FSIP1: variants seen among roughly 807,000 people sequenced by gnomAD.
The protein encoded by FSIP1 is fibrous sheath interacting protein 1, also known as fibrous sheath-interacting protein 1.
FSIP1 carries 65 observed loss-of-function variants against 60.9 expected under a neutral mutation model. The observed-to-expected ratio is 1.07, with a 90% CI of 0.87 to 1.31. FSIP1 has a LOEUF of 1.31. FSIP1 is among the 40% of genes most tolerant of loss of function. The pLI is 0.00. For synonymous variants in FSIP1, 209 were observed against 221.2 expected (o/e 0.94, Z 0.49); for missense variants, 675 against 665.5 (o/e 1.01, Z -0.16).
intron 8 of FSIP1, among the ~76,000 whole-genome samples, chr15:39,729,112 A>C (rs1245037810): frequency 1.3e-5 from 2 of 152,236 alleles, no homozygotes; most frequent in Non-Finnish European, 2.9e-5. Context: ...GCAAAGCTGC[A>C]GAGAAAAACA....
At chr15:39,708,054 A>C (rs1430961916) in intron 10 of FSIP1, among the ~76,000 whole-genome samples, 2 of 152,192 alleles carry the variant, frequency 1.3e-5, no homozygotes, top group East Asian at 1.9e-4. Flanking sequence ...TATGGTGCCT[A>C]TTCTATGAAA....
At chr15:39,782,098 T>C (rs904411080) in intron 1 of FSIP1, among the ~76,000 whole-genome samples, 3 of 152,224 alleles carry the variant, frequency 2.0e-5, no homozygotes, top group Non-Finnish European at 2.9e-5. Flanking sequence ...CGCCAAATTG[T>C]ACTCCAAAAA....
intron 8 of FSIP1, among the ~76,000 whole-genome samples, chr15:39,737,134 G>C (rs989988973): frequency 4.6e-5 from 7 of 152,130 alleles, no homozygotes; most frequent in Non-Finnish European, 8.8e-5. Flanking sequence ...AAGGAACATA[G>C]GACAGTGTAT....
chr15:39,724,073 T>A (rs1419808794), intron 9 of FSIP1, among the ~76,000 whole-genome samples: 8 of 152,222 alleles, frequency 5.3e-5, no homozygotes, highest in Admixed American at 4.6e-4. Context: ...CAAAATGTTG[T>A]TTTCCCTTTT....
chr15:39,643,174 A>G (rs1423170027), intron 10 of FSIP1, among the ~76,000 whole-genome samples: 1 of 152,208 alleles, frequency 6.6e-6, no homozygotes, highest in African/African-American at 2.4e-5. Flanking sequence ...AAAAGTGGGA[A>G]AGATAAAAGG....
intron 8 of FSIP1, among the ~76,000 whole-genome samples, chr15:39,729,054 A>G (rs1472111916): frequency 1.3e-5 from 2 of 152,206 alleles, no homozygotes; most frequent in South Asian, 2.1e-4. Context: ...ACCATCTCAC[A>G]CCAGTCAGAA....
At chr15:39,735,744 A>G (rs532479580) in intron 8 of FSIP1, among the ~76,000 whole-genome samples, 305 of 152,274 alleles carry the variant, frequency 2.0e-3, no homozygotes, top group African/African-American at 6.9e-3. Context: ...CTTAGCTTAA[A>G]ACATAAACAC....
intron 10 of FSIP1, among the ~76,000 whole-genome samples, chr15:39,711,707 G>T (rs1895520107): frequency 9.0e-6 from 1 of 111,240 alleles, no homozygotes. Flanking sequence ...TTTTGAGACG[G>T]AGTCTCATTC....
chr15:39,688,808 G>A (rs1021343933), intron 10 of FSIP1, among the ~76,000 whole-genome samples: 1 of 152,178 alleles, frequency 6.6e-6, no homozygotes, highest in African/African-American at 2.4e-5. Flanking sequence ...ACCTGTGGGT[G>A]AGGTGGTGTC....
intron 10 of FSIP1, among the ~76,000 whole-genome samples, chr15:39,645,343 C>T (rs1566866566): frequency 1.3e-5 from 2 of 152,168 alleles, no homozygotes; most frequent in Admixed American, 1.3e-4. Flanking sequence ...GGGAGCCCTG[C>T]CTCTTCTGAG....
rs192946794 is a variant in FSIP1, at chr15:39,701,858, A to T, written c.1188+11586T>A. Among the ~76,000 whole-genome samples, 537 of 152,254 alleles carry T rather than the reference A, an allele frequency of 3.5e-3. 3 individuals carry two copies. The highest frequency in any genetic ancestry group is 0.012 in the African/African-American group (513 of 41,546). ...GGAGGAGTCCTCTACCGTGGATTCAAGGCCCTTCAGTTTTATTTGTGGGAA... is the reference window on the plus strand; with the variant it reads ...GGAGGAGTCCTCTACCGTGGATTCATGGCCCTTCAGTTTTATTTGTGGGAA... On this transcript the variant is annotated intron_variant, in intron 10 of 11. Transcript: ENST00000350221.
rs146497417 is a variant in FSIP1, at chr15:39,773,326, C to T, written c.127-2716G>A. On this transcript the variant is annotated intron_variant, in intron 2 of 11. Coordinates refer to ENST00000350221, the MANE Select transcript of FSIP1 (RefSeq NM_152597.5). ...GCTTTCTTCCCCAATCTAAGGTGAA[C>T]CTTACTGACTTTCTATGAACTTGAT... Among the ~76,000 whole-genome samples, 54 of 152,288 alleles carry T rather than the reference C, an allele frequency of 3.5e-4. No individual in the cohort carries two copies. The East Asian group carries it at 8.3e-3, about 23-fold the overall frequency.
chr15:39,717,720 G>C (rs1212724593), intron 9 of FSIP1, among the ~76,000 whole-genome samples: 1 of 152,110 alleles, frequency 6.6e-6, no homozygotes, highest in Non-Finnish European at 1.5e-5. Context: ...GGCCCCATAG[G>C]CACACCGAGT....
intron 10 of FSIP1, among the ~76,000 whole-genome samples, chr15:39,628,952 C>T (rs1010547416): frequency 6.6e-6 from 1 of 152,140 alleles, no homozygotes; most frequent in South Asian, 2.1e-4. Flanking sequence ...CTGATGCAGA[C>T]GAGGCAGGAG....
intron 10 of FSIP1, among the ~76,000 whole-genome samples, chr15:39,690,000 TG>T (rs1184626683): frequency 6.6e-6 from 1 of 152,122 alleles, no homozygotes; most frequent in African/African-American, 2.4e-5. Context: ...TGATATGGAG[TG>T]GAGTTTTTCT....
chr15:39,624,209 G>A (rs778423627), intron 10 of FSIP1, among the ~76,000 whole-genome samples: 2 of 152,084 alleles, frequency 1.3e-5, no homozygotes, highest in African/African-American at 4.8e-5. Context: ...ACAGAACAGG[G>A]ATTCAAAAAT....
chr15:39,601,048 AT>A (rs1890621219), intron 11 of FSIP1, 122 bp from the exon 12 acceptor site: 1 of 714,134 alleles, frequency 1.4e-6, no homozygotes, highest in East Asian at 2.8e-5. Flanking sequence ...TCACACTCTC[AT>A]TTAATACTTA....
chr15:39,720,755 G>A (rs960592080), intron 9 of FSIP1, among the ~76,000 whole-genome samples: 2 of 134,160 alleles, frequency 1.5e-5, no homozygotes, highest in Non-Finnish European at 3.0e-5. Context: ...TTTTATGGTG[G>A]GATTTACAAT....
At chr15:39,766,066 T>C (rs1897675925) in intron 3 of FSIP1, among the ~76,000 whole-genome samples, 1 of 152,212 alleles carries the variant, frequency 6.6e-6, no homozygotes, top group Non-Finnish European at 1.5e-5. Flanking sequence ...TCTCCTTCAT[T>C]CTGTTATACT....
Sources: allele counts gnomAD v4.1 joint callset (sites outside exome capture counted in the v4.1 genomes callset), GRCh38; gene constraint gnomAD v4.1.1; transcripts MANE v1.5; gene names NCBI Gene and HGNC (gene_info 2026-07-23, HGNC 2026-07-21).